The following MAP4K1 variants were observed in gnomAD, a reference collection of about 807,000 sequenced individuals.
MAP4K1 encodes the protein mitogen-activated protein kinase kinase kinase kinase 1.
MAP4K1 carries 35 observed loss-of-function variants against 122.8 expected under a neutral mutation model. The observed-to-expected ratio is 0.29, with a 90% CI of 0.22 to 0.38. The LOEUF is 0.38. MAP4K1 is among the 10% of genes least tolerant of loss of function. MAP4K1 has a pLI of 1.00. For missense variants in MAP4K1, 791 were observed against 1,072.6 expected (o/e 0.74, Z 3.67); for synonymous variants, 412 against 421.3 (o/e 0.98, Z 0.27).
In MAP4K1 at chr19:38,614,244, C is replaced by T. The variant is rs1294130710; in HGVS notation, c.417+1G>A. The T allele has an allele frequency of 1.2e-6, 2 of 1,614,018 alleles. No homozygotes were observed. Among genetic ancestry groups the T allele is most frequent in the Non-Finnish European group, 1.7e-6 (2 of 1,179,984 alleles). On this transcript the variant is annotated splice_donor_variant, in intron 6 of 30. Transcript: ENST00000396857. LOFTEE classifies it high-confidence loss of function. ...ACAGCACCCCTACACCCCCAGACCACCTTGATGTCCCTGTGTATCTTCTTC... is the reference window on the plus strand; with the variant it reads ...ACAGCACCCCTACACCCCCAGACCATCTTGATGTCCCTGTGTATCTTCTTC...
chr19:38,603,051 C>T lies in MAP4K1; in HGVS notation c.1447-1526G>A, dbSNP rs537324844. ...ACATATATACACATGTACATATATACGCATATACATATACACATATACATA... is the reference window on the plus strand; with the variant it reads ...ACATATATACACATGTACATATATATGCATATACATATACACATATACATA... On this transcript the variant is annotated intron_variant, in intron 19 of 30. Transcript: ENST00000396857. Among the ~76,000 whole-genome samples, 7 of 136,338 alleles carry T rather than the reference C, an allele frequency of 5.1e-5. No homozygotes were observed. The East Asian group carries it at 7.5e-4, about 15-fold the overall frequency. The allele number at this position is 136,338 out of a possible 152,430, so 89.4% of individuals were successfully genotyped here. A position where few individuals can be genotyped will look rare whatever the true frequency, so the allele number is the denominator to read the frequency against.
chr19:38,608,819 A>C (rs1044031176), intron 13 of MAP4K1, among the ~76,000 whole-genome samples: 9 of 148,910 alleles, frequency 6.0e-5, no homozygotes, highest in African/African-American at 1.2e-4. Flanking sequence ...AAAAAAAAAA[A>C]AAAAAAAAAA....
At position 38,597,237 on chromosome 19, in the gene MAP4K1, T is replaced by C; in HGVS notation, c.1837+89A>G. ...TGGGTTCTGGACACATTGCCTTAAC[T>C]CTGTAACCTTCTCAGGTGGATGCAG... On this transcript the variant is annotated intron_variant, in intron 24 of 30. Coordinates refer to ENST00000396857, the MANE Select transcript of MAP4K1 (RefSeq NM_001042600.3). This position sits in a 1 kb window ranked among gnomAD's most constrained non-coding sequence, Gnocchi z 4.6. 2.5e-6 allele frequency: 4 copies of C among 1,600,140 alleles called. No individual in the cohort carries two copies. In the South Asian group the frequency reaches 4.4e-5, roughly 18 times the overall value.
At chr19:38,603,667 T>A (rs919558870) in intron 19 of MAP4K1, among the ~76,000 whole-genome samples, 6 of 152,014 alleles carry the variant, frequency 3.9e-5, no homozygotes, top group African/African-American at 1.4e-4. Flanking sequence ...AGACCCTGCC[T>A]CTATAAAACA....
In MAP4K1 at chr19:38,611,054, G is replaced by A. The variant is rs1425666434; in HGVS notation, c.807C>T (p.Leu269=). The change falls in exon 11 of 31, where the codon CTC becomes CTT. Residue 269 remains leucine, a synonymous_variant. Transcript: ENST00000396857. Reference sequence around the variant, plus strand: ...ATCTTGGGGAAGGGAGGGTTACACTGAGCATCTTGGTGGCGCTGGGTCGTT... The same window carrying A: ...ATCTTGGGGAAGGGAGGGTTACACTAAGCATCTTGGTGGCGCTGGGTCGTT... ...PKKRPSATKM[L]SHQLVSQPGL... is the part of the protein sequence containing the mutation. 5.0e-6 allele frequency: 8 copies of A among 1,611,856 alleles called. No homozygotes were observed. The highest frequency in any genetic ancestry group is 6.8e-6 in the Non-Finnish European group (8 of 1,178,778).
chr19:38,602,653 C>CATAT (rs200166915), intron 19 of MAP4K1, among the ~76,000 whole-genome samples: 8 of 142,386 alleles, frequency 5.6e-5, no homozygotes, highest in East Asian at 4.1e-4. Context: ...TACATATATA[C>CATAT]ATATATACAC....
At position 38,602,413 on chromosome 19, in the gene MAP4K1, C is replaced by G. The variant is rs1223894161; in HGVS notation, c.1447-888G>C. Among the ~76,000 whole-genome samples the G allele has an allele frequency of 6.0e-5, 7 of 116,714 alleles. No homozygotes were observed. The East Asian group carries it at 1.5e-3, about 24-fold the overall frequency. 76.6% of individuals were successfully genotyped at this position (116,714 alleles called of 152,430 possible). A position where few individuals can be genotyped will look rare whatever the true frequency, so the allele number is the denominator to read the frequency against. Reference sequence around the variant, plus strand: ...ATACACATATACATATATATATAGACACACACACACACACACACATATATA... The same window carrying G: ...ATACACATATACATATATATATAGAGACACACACACACACACACATATATA... On this transcript the variant is annotated intron_variant, in intron 19 of 30. Transcript: ENST00000396857.
At chr19:38,598,565 C>T (rs1974957794) in intron 22 of MAP4K1, among the ~76,000 whole-genome samples, 1 of 152,092 alleles carries the variant, frequency 6.6e-6, no homozygotes, top group African/African-American at 2.4e-5. Flanking sequence ...CTCCTGGGCT[C>T]AAGCAGTACT....
At chr19:38,603,406 ATATATATACACG>A (rs1401654561) in intron 19 of MAP4K1, among the ~76,000 whole-genome samples, 1 of 149,238 alleles carries the variant, frequency 6.7e-6, no homozygotes, top group African/African-American at 2.4e-5. Flanking sequence ...ATGCATATAC[ATATATATACACG>A]TATACATATA....
rs1446648041 is a variant in MAP4K1, at chr19:38,611,276, T to C, written c.695A>G (p.Tyr232Cys). 6.2e-7 allele frequency: 1 copy of C among 1,613,662 alleles called. No individual in the cohort carries two copies. The highest frequency in any genetic ancestry group is 1.7e-5 in the Admixed American group (1 of 59,988). The stretch of plus-strand genomic sequence containing the variant: ...TTTTTCCTTCAGTCGGGGAGGCTGG[T>C]AGCCACTCTTGGTCATGAGGAAGAG... ...RVLFLMTKSG[Y>C]QPPRLKEKGK... The change falls in exon 10 of 31, where the codon TAC (tyrosine) becomes TGC (cysteine). Residue 232 changes from tyrosine to cysteine, a missense_variant. Physicochemically the swap from Tyr to Cys is radical, Grantham distance 194. This residue lies in a region of MAP4K1 where 303 missense variants were observed against 344.8 expected (regional missense o/e 0.88). Coordinates refer to ENST00000396857, the MANE Select transcript of MAP4K1 (RefSeq NM_001042600.3).
rs1309678682 is a variant in MAP4K1 at position 38,613,908 on chromosome 19, G to A, written c.505C>T (p.Arg169Cys). 11 of 1,613,072 alleles carry A rather than the reference G, an allele frequency of 6.8e-6. No homozygotes were observed. The highest frequency in any genetic ancestry group is 2.2e-5 in the East Asian group (1 of 44,854). ...SAQIGATLAR[R>C]LSFIGTPYWM... The stretch of plus-strand genomic sequence containing the variant: ...TAGGGTGTCCCAATGAAAGAGAGGC[G>A]TCTGGCCAGTGTAGCCCCAATCTGG... The change falls in exon 8 of 31, where the codon CGC (arginine) becomes TGC (cysteine). Residue 169 changes from arginine to cysteine, a missense_variant. Transcript: ENST00000396857.
intron 11 of MAP4K1, 22 bp from the exon 12 acceptor site, chr19:38,610,047 C>G (rs373730870): frequency 6.5e-7 from 1 of 1,548,908 alleles, no homozygotes; most frequent in East Asian, 2.2e-5. Flanking sequence ...AAGAGGTGTC[C>G]GTATCCAGAG....
intron 25 of MAP4K1, 46 bp from the exon 26 acceptor site, chr19:38,596,532 G>A (rs756685694): frequency 2.1e-6 from 3 of 1,418,692 alleles, no homozygotes; most frequent in East Asian, 2.5e-5. Context: ...GGTTCAGGAC[G>A]GGGCCTCAGG....
intron 29 of MAP4K1, 132 bp from the exon 30 acceptor site, chr19:38,593,469 G>A (rs1404747175): frequency 2.2e-5 from 14 of 634,054 alleles, no homozygotes; most frequent in African/African-American, 1.9e-4. Flanking sequence ...TTGGGAGGCC[G>A]AAGTGGGTGG....
chr19:38,590,394 A>AAAAATAT (rs1974685413), intron 30 of MAP4K1, among the ~76,000 whole-genome samples: 1 of 17,298 alleles, frequency 5.8e-5, no homozygotes, highest in African/African-American at 2.0e-4. Flanking sequence ...AAAAAAAAAA[A>AAAAATAT]ATATATATAT....
intron 26 of MAP4K1, 115 bp from the exon 27 acceptor site, chr19:38,596,116 G>A (rs1243930682): frequency 2.3e-6 from 3 of 1,331,990 alleles, no homozygotes; most frequent in Non-Finnish European, 3.2e-6. Context: ...AAGCAAGTGG[G>A]CTAAACCCCG....
At chr19:38,598,236 G>A (rs146039134) in intron 22 of MAP4K1, among the ~76,000 whole-genome samples, 1 of 151,884 alleles carries the variant, frequency 6.6e-6, no homozygotes, top group Non-Finnish European at 1.5e-5. Flanking sequence ...TTACCATGTT[G>A]GCCAGTCTGG....
chr19:38,606,107 G>T, intron 17 of MAP4K1, 66 bp downstream of exon 17: 2 of 1,282,954 alleles, frequency 1.6e-6, no homozygotes, highest in Non-Finnish European at 2.2e-6. Flanking sequence ...AGCATCTAAG[G>T]ACCTGGCCTC....
chr19:38,608,067 A>C lies in MAP4K1; in HGVS notation c.1066-34T>G, dbSNP rs17847677. On this transcript the variant is annotated intron_variant, in intron 14 of 30. Transcript: ENST00000396857. ...TAGGAAAAGGGTCAGCAGTGGCCTC[A>C]GGGAAGCAGGCGGTGTGGTGGGGAG... 3,501 of 1,571,182 alleles carry C rather than the reference A, an allele frequency of 2.2e-3. 61 individuals carry two copies. In the South Asian group the frequency reaches 0.025, roughly 11 times the overall value.
Sources: gnomAD v4.1 joint callset for allele counts (sites outside exome capture counted in the v4.1 genomes callset) on GRCh38, gnomAD v4.1.1 for gene constraint, gnomAD v4.1.1 regional missense constraint, Gnocchi (gnomAD v3.1) non-coding constraint, MANE v1.5 for transcripts, NCBI Gene and HGNC (gene_info 2026-07-23, HGNC 2026-07-21) for gene names.